TRABD2A: variants seen among roughly 807,000 people sequenced by gnomAD.
TRABD2A encodes the protein TraB domain containing 2A.
In TRABD2A, 43 loss-of-function variants were observed where a neutral mutation model predicts 45.6. That is an observed-to-expected ratio of 0.94 (90% confidence interval 0.74 to 1.22). TRABD2A has a LOEUF of 1.22. TRABD2A is among the 50% of genes most tolerant of loss of function. The pLI is 0.00. For synonymous variants in TRABD2A, 269 were observed against 265.0 expected, an observed-to-expected ratio of 1.02 and a Z score of -0.15; for missense variants, 642 against 652.4, an observed-to-expected ratio of 0.98 and a Z score of 0.17.
At chr2:84,868,184 C>T (rs556418657) in intron 2 of TRABD2A, among the ~76,000 whole-genome samples, 5 of 152,036 alleles carry the variant, frequency 3.3e-5, no homozygotes, top group Admixed American at 6.6e-5. Flanking sequence ...TGGAACCAAC[C>T]GAAATTGTCC....
intron 2 of TRABD2A, 73 bp from the exon 3 acceptor site, chr2:84,842,080 G>C: frequency 7.1e-7 from 1 of 1,399,100 alleles, no homozygotes; most frequent in Non-Finnish European, 9.4e-7. Context: ...TTTGTCCATG[G>C]CTGGAAATAC....
intron 1 of TRABD2A, among the ~76,000 whole-genome samples, chr2:84,879,374 G>T (rs901231215): frequency 2.6e-5 from 4 of 152,020 alleles, no homozygotes; most frequent in Non-Finnish European, 5.9e-5. Context: ...AGAGACAAGG[G>T]TCTCGCCATG....
At chr2:84,845,685 G>C (rs1232237502) in intron 2 of TRABD2A, among the ~76,000 whole-genome samples, 1 of 152,198 alleles carries the variant, frequency 6.6e-6, no homozygotes, top group East Asian at 1.9e-4. Context: ...GGATGATGAA[G>C]GGTATCATGA....
chr2:84,850,885 C>G (rs1204708808), intron 2 of TRABD2A: 1 of 152,308 alleles, frequency 6.6e-6, no homozygotes, highest in Admixed American at 6.5e-5. Context: ...TGCTGCTGGC[C>G]TGACCAGCCA....
intron 2 of TRABD2A, 108 bp downstream of exon 2, chr2:84,870,117 A>T: frequency 8.5e-7 from 1 of 1,173,402 alleles, no homozygotes; most frequent in Admixed American, 2.4e-5. Flanking sequence ...TTAAGCAAAG[A>T]CAATTTCTAG....
intron 2 of TRABD2A, among the ~76,000 whole-genome samples, chr2:84,848,433 G>T (rs375058166): frequency 6.6e-6 from 1 of 150,904 alleles, no homozygotes; most frequent in Non-Finnish European, 1.5e-5. Flanking sequence ...CTCCACTTTC[G>T]TTTTGCTGCT....
Position 84,821,843 on chromosome 2 carries a change from C to T in TRABD2A, c.*74G>A, listed in dbSNP as rs1681008059. ...CTGGATTGGGCCCAACAAGGCTAGA[C>T]CAGAATGTGGAGTACAGGAATGGCC... is the stretch of plus-strand genomic sequence containing the variant. On this transcript the variant is annotated 3_prime_UTR_variant, in exon 7 of 7. Transcript: ENST00000409520. 2.1e-6 allele frequency: 3 copies of T among 1,413,656 alleles called. No individual in the cohort carries two copies. Among genetic ancestry groups the T allele is most frequent in the Non-Finnish European group, 2.8e-6 (3 of 1,072,046 alleles). The allele number at this position is 1,413,656 out of a possible 1,614,324, so 87.6% of individuals were successfully genotyped here. A position where few individuals can be genotyped will look rare whatever the true frequency, so the allele number is the denominator to read the frequency against.
intron 2 of TRABD2A, among the ~76,000 whole-genome samples, chr2:84,856,206 AT>A (rs528310894): frequency 1.2e-3 from 179 of 151,992 alleles, no homozygotes; most frequent in South Asian, 5.4e-3. Flanking sequence ...TTTTTAAGAC[AT>A]CTTGAGGGTG....
At position 84,831,429 on chromosome 2, in the gene TRABD2A, C is replaced by T. The variant is rs189274110; in HGVS notation, c.1082+626G>A. On this transcript the variant is annotated intron_variant, in intron 5 of 6. Transcript: ENST00000409520. Reference sequence around the variant, plus strand: ...GACACCTGGGGCCCACCAGGATGGACGACCAGTTGGGAGGCCAGTGGGTGG... The same window carrying T: ...GACACCTGGGGCCCACCAGGATGGATGACCAGTTGGGAGGCCAGTGGGTGG... Among the ~76,000 whole-genome samples the T allele has an allele frequency of 5.6e-4, 85 of 152,014 alleles. 1 individual carries two copies. Among genetic ancestry groups the T allele is most frequent in the African/African-American group, 1.9e-3 (77 of 41,446 alleles).
chr2:84,857,778 A>ACTGCCAGGTAGATGGGTGT (rs1299625309), intron 2 of TRABD2A, among the ~76,000 whole-genome samples: 29 of 152,040 alleles, frequency 1.9e-4, no homozygotes, highest in African/African-American at 7.0e-4. Flanking sequence ...CTCCAACACC[A>ACTGCCAGGTAGATGGGTGT]CTGCCAGGTA....
intron 5 of TRABD2A, among the ~76,000 whole-genome samples, chr2:84,825,755 T>C (rs915740758): frequency 6.6e-6 from 1 of 152,042 alleles, no homozygotes; most frequent in African/African-American, 2.4e-5. Flanking sequence ...CACAGCAGGA[T>C]GTGAGTGGCA....
At chr2:84,873,489 G>A (rs1326740576) in intron 1 of TRABD2A, among the ~76,000 whole-genome samples, 1 of 152,156 alleles carries the variant, frequency 6.6e-6, no homozygotes, top group Non-Finnish European at 1.5e-5. Flanking sequence ...CACGTACAGG[G>A]TCCCCATCCC....
At chr2:84,877,912 T>C (rs765354084) in intron 1 of TRABD2A, among the ~76,000 whole-genome samples, 1 of 152,216 alleles carries the variant, frequency 6.6e-6, no homozygotes, top group African/African-American at 2.4e-5. Flanking sequence ...TTTTTGAGCA[T>C]CTGCTATGGC....
At chr2:84,865,796 A>G (rs1033962302) in intron 2 of TRABD2A, among the ~76,000 whole-genome samples, 5 of 152,158 alleles carry the variant, frequency 3.3e-5, no homozygotes, top group Admixed American at 6.5e-5. Flanking sequence ...TGGAGATGGG[A>G]TTTAGCAAGA....
intron 3 of TRABD2A, among the ~76,000 whole-genome samples, chr2:84,840,096 C>T (rs755516364): frequency 3.3e-5 from 5 of 152,100 alleles, no homozygotes; most frequent in African/African-American, 4.8e-5. Flanking sequence ...TACCCATTAT[C>T]TTGGTCAGTA....
chr2:84,860,429 C>A (rs767226275), intron 2 of TRABD2A, among the ~76,000 whole-genome samples: 8 of 152,152 alleles, frequency 5.3e-5, no homozygotes, highest in Non-Finnish European at 7.4e-5. Flanking sequence ...GAGAAGACAG[C>A]CATGTGCAAG....
At chr2:84,838,390 G>A in intron 4 of TRABD2A, 3 of 602,872 alleles carry the variant, frequency 5.0e-6, no homozygotes, top group Non-Finnish European at 9.0e-6. Context: ...AGTTGATTTT[G>A]ACCATTTTTT....
chr2:84,845,183 T>C (rs571715648), intron 2 of TRABD2A, among the ~76,000 whole-genome samples: 90 of 152,208 alleles, frequency 5.9e-4, no homozygotes, highest in African/African-American at 2.1e-3. Context: ...AAACCCTGTC[T>C]CTACTAAAAA....
intron 2 of TRABD2A, among the ~76,000 whole-genome samples, chr2:84,846,382 G>A (rs1180109784): frequency 6.6e-6 from 1 of 152,146 alleles, no homozygotes; most frequent in African/African-American, 2.4e-5. Flanking sequence ...ACTTATGAAA[G>A]GCCTTAAGCT....
Sources: allele counts gnomAD v4.1 joint callset (sites outside exome capture counted in the v4.1 genomes callset), GRCh38; gene constraint gnomAD v4.1.1; transcripts MANE v1.5; gene names NCBI Gene and HGNC (gene_info 2026-07-23, HGNC 2026-07-21).